The following RANBP17 variants were observed in gnomAD, a reference collection of about 807,000 sequenced individuals.
RANBP17 encodes the protein ran-binding protein 17.
A neutral mutation model predicts 141.2 loss-of-function variants in RANBP17; 158 were observed. That is an observed-to-expected ratio of 1.12 (90% CI 0.98 to 1.28). The LOEUF is 1.28. Among genes scored for constraint, RANBP17 ranks in the 50% most tolerant of loss-of-function variants. RANBP17 has a pLI of 0.00. For synonymous variants in RANBP17, 430 were observed against 450.0 expected, an observed-to-expected ratio of 0.96 and a Z score of 0.56; for missense variants, 1,438 against 1,290.7, an observed-to-expected ratio of 1.11 and a Z score of -1.75.
chr5:171,199,572 C>A, intron 18 of RANBP17, 98 bp from the exon 19 acceptor site: 1 of 653,618 alleles, frequency 1.5e-6, no homozygotes, highest in Non-Finnish European at 2.6e-6. Flanking sequence ...GACCCCTTCT[C>A]GGGAATATTT....
At chr5:170,940,939 TA>T (rs199578359) in intron 12 of RANBP17, among the ~76,000 whole-genome samples, 3 of 149,978 alleles carry the variant, frequency 2.0e-5, no homozygotes, top group Admixed American at 6.6e-5. Context: ...GCTGATTGGT[TA>T]AAAAAAAACT....
At chr5:171,024,020 T>C (rs1238200302) in intron 14 of RANBP17, among the ~76,000 whole-genome samples, 4 of 152,136 alleles carry the variant, frequency 2.6e-5, no homozygotes, top group African/African-American at 9.7e-5. Context: ...TTTCAGAAAG[T>C]TAAAAAATAA....
rs561580102 is a variant in RANBP17, at chr5:171,134,517, A to C, written c.1711-35613A>C. On this transcript the variant is annotated intron_variant, in intron 14 of 27. Transcript: ENST00000523189. ...TCTGACAGGCATTATCAGTTAAGTA[A>C]GGGACTAAAAGTAGAAAGCCCTAAG... Among the ~76,000 whole-genome samples, 14 of 152,356 alleles carry C rather than the reference A, an allele frequency of 9.2e-5. No homozygotes were observed. In the South Asian group the frequency reaches 2.9e-3, roughly 32 times the overall value.
At chr5:171,206,244 A>G (rs566708272) in intron 20 of RANBP17, 14 of 162,788 alleles carry the variant, frequency 8.6e-5, no homozygotes, top group Non-Finnish European at 1.6e-4. Context: ...CCAGCTCTTC[A>G]TTTACTGTGT....
chr5:171,290,827 TGA>T (rs1004975112), intron 25 of RANBP17, among the ~76,000 whole-genome samples: 5 of 152,190 alleles, frequency 3.3e-5, no homozygotes, highest in African/African-American at 1.2e-4. Context: ...GGGCTAGACC[TGA>T]GAGAGTAGCT....
intron 14 of RANBP17, among the ~76,000 whole-genome samples, chr5:171,131,869 A>G (rs1756945213): frequency 6.6e-6 from 1 of 152,166 alleles, no homozygotes; most frequent in African/African-American, 2.4e-5. Context: ...CATTTGGCTA[A>G]TGCTTTCTCA....
intron 14 of RANBP17, among the ~76,000 whole-genome samples, chr5:171,031,202 G>A (rs1013943330): frequency 2.0e-5 from 3 of 151,962 alleles, no homozygotes; most frequent in East Asian, 1.9e-4. Context: ...ATCTGTGATA[G>A]CATTTTCATT....
intron 14 of RANBP17, among the ~76,000 whole-genome samples, chr5:170,985,071 A>C (rs1299723357): frequency 6.6e-6 from 1 of 151,488 alleles, no homozygotes; most frequent in African/African-American, 2.4e-5. Flanking sequence ...ACACATATAC[A>C]CACACAGGCA....
intron 14 of RANBP17, among the ~76,000 whole-genome samples, chr5:171,049,241 A>G (rs199877524): frequency 1.3e-5 from 2 of 152,120 alleles, no homozygotes; most frequent in African/African-American, 4.8e-5. Context: ...GTGATGCTGA[A>G]TATTTTTTAT....
In RANBP17 at chr5:171,012,445, G is replaced by A. The variant is rs188562063; in HGVS notation, c.1710+44068G>A. 2.6e-3 allele frequency among the ~76,000 whole-genome samples: 391 copies of A among 152,102 alleles called. 4 individuals carry two copies. Among genetic ancestry groups the A allele is most frequent in the African/African-American group, 7.7e-3 (321 of 41,534 alleles). ...GTTTACATAAGCCCTTGCTGAAAAC[G>A]AAAAATCTGCTGCCTGGAATCTATA... On this transcript the variant is annotated intron_variant, in intron 14 of 27. Coordinates refer to ENST00000523189, the MANE Select transcript of RANBP17 (RefSeq NM_022897.5).
intron 13 of RANBP17, among the ~76,000 whole-genome samples, chr5:170,954,746 T>C (rs1236770806): frequency 6.6e-6 from 1 of 152,150 alleles, no homozygotes; most frequent in Non-Finnish European, 1.5e-5. Flanking sequence ...CTGAAATAAT[T>C]TCATTAGAGT....
At chr5:171,121,894 A>G (rs1161747656) in intron 14 of RANBP17, among the ~76,000 whole-genome samples, 1 of 152,188 alleles carries the variant, frequency 6.6e-6, no homozygotes, top group African/African-American at 2.4e-5. Flanking sequence ...ACTGTGCTAC[A>G]GCAGCGTGGG....
chr5:171,087,157 T>C (rs1177357829), intron 14 of RANBP17, among the ~76,000 whole-genome samples: 1 of 149,028 alleles, frequency 6.7e-6, no homozygotes, highest in Non-Finnish European at 1.5e-5. Context: ...GATTCTGGTA[T>C]GTTGTGTCTT....
At chr5:170,958,490 T>C (rs1775907276) in intron 13 of RANBP17, among the ~76,000 whole-genome samples, 1 of 152,126 alleles carries the variant, frequency 6.6e-6, no homozygotes. Flanking sequence ...TTCTAGGACT[T>C]ACACAACAGT....
chr5:171,107,112 C>T (rs1041901528), intron 14 of RANBP17, among the ~76,000 whole-genome samples: 2 of 151,928 alleles, frequency 1.3e-5, no homozygotes, highest in African/African-American at 4.8e-5. Flanking sequence ...ATAAGATAGA[C>T]AAAGCAGGAA....
intron 14 of RANBP17, among the ~76,000 whole-genome samples, chr5:171,092,071 TTTA>T (rs1245646393): frequency 1.3e-5 from 2 of 152,312 alleles, no homozygotes; most frequent in East Asian, 3.9e-4. Context: ...GTTTAAATAT[TTTA>T]TTTTGATGAA....
intron 4 of RANBP17, among the ~76,000 whole-genome samples, chr5:170,892,782 A>G (rs1769758874): frequency 6.6e-6 from 1 of 152,232 alleles, no homozygotes; most frequent in South Asian, 2.1e-4. Flanking sequence ...TTCTAATTTC[A>G]AAATGTGTGT....
intron 16 of RANBP17, among the ~76,000 whole-genome samples, chr5:171,177,825 AG>A (rs1276426573): frequency 6.6e-6 from 1 of 152,140 alleles, no homozygotes; most frequent in Non-Finnish European, 1.5e-5. Context: ...GTCTCCTATT[AG>A]ATTGTAAATT....
chr5:171,285,926 C>CT (rs1768147102), intron 25 of RANBP17, among the ~76,000 whole-genome samples: 1 of 152,168 alleles, frequency 6.6e-6, no homozygotes, highest in East Asian at 1.9e-4. Context: ...TTCATTCTAA[C>CT]TTTATCTTCT....
Sources: allele counts gnomAD v4.1 joint callset (sites outside exome capture counted in the v4.1 genomes callset), GRCh38; gene constraint gnomAD v4.1.1; transcripts MANE v1.5; gene names NCBI Gene and HGNC (gene_info 2026-07-23, HGNC 2026-07-21).